Variants in DSTYK observed in about 807,000 individuals in gnomAD.
The protein encoded by DSTYK is RIP-homologous kinase.
In DSTYK, 34 loss-of-function variants were observed where a neutral mutation model predicts 98.7. That is an observed-to-expected ratio of 0.34 (90% CI 0.26 to 0.46). The LOEUF (loss-of-function observed/expected upper bound fraction) is 0.46, where lower values mean the gene tolerates loss of function less well. Ranked by LOEUF, DSTYK falls within the 20% of genes least tolerant of loss-of-function variation. The probability of loss-of-function intolerance (pLI) is 1.00; values close to 1 mark genes in which losing one functional copy is unlikely to be tolerated. For synonymous variants in DSTYK, 462 were observed against 457.3 expected, an observed-to-expected ratio of 1.01 and a Z score of -0.13; for missense variants, 962 against 1,181.7, an observed-to-expected ratio of 0.81 and a Z score of 2.73.
chr1:205,193,012 T>G (rs1352251366), intron 1 of DSTYK, among the ~76,000 whole-genome samples: 1 of 152,206 alleles, frequency 6.6e-6, no homozygotes, highest in Non-Finnish European at 1.5e-5. Context: ...GACCTCAATG[T>G]AAAGCAGACT....
chr1:205,185,739 A>C (rs1314263376), intron 2 of DSTYK, among the ~76,000 whole-genome samples: 1 of 152,210 alleles, frequency 6.6e-6, no homozygotes, highest in African/African-American at 2.4e-5. Context: ...AATATAAAAA[A>C]GTAGCCAGGC....
rs145699659 is a variant in DSTYK at position 205,184,661 on chromosome 1, C to T, written c.654+2757G>A. Among the ~76,000 whole-genome samples the T allele has an allele frequency of 1.7e-3, 251 of 152,118 alleles. 2 individuals carry two copies. The highest frequency in any genetic ancestry group is 5.6e-3 in the African/African-American group (233 of 41,494). The stretch of plus-strand genomic sequence containing the variant: ...TTGAGACAGGGTCTCATTCTATTGC[C>T]CAAGTGTTGTACAGTGCTACGATCA... On this transcript the variant is annotated intron_variant, in intron 2 of 12. Coordinates refer to ENST00000367162, the MANE Select transcript of DSTYK (RefSeq NM_015375.3).
At chr1:205,207,755 C>CAAAAAAAAAAAAAAAA (rs766036213) in intron 1 of DSTYK, among the ~76,000 whole-genome samples, 3 of 52,728 alleles carry the variant, frequency 5.7e-5, no homozygotes, top group African/African-American at 1.0e-4. Flanking sequence ...GACTCTGTCT[C>CAAAAAAAAAAAAAAAA]AAAAAAAAAA....
intron 1 of DSTYK, chr1:205,202,102 A>C (rs1489967486): frequency 3.7e-5 from 12 of 325,482 alleles, no homozygotes; most frequent in Non-Finnish European, 6.9e-5. Flanking sequence ...GGGAAGGGAG[A>C]GGGGGAAGGG....
intron 2 of DSTYK, among the ~76,000 whole-genome samples, chr1:205,182,854 A>C (rs1658455698): frequency 6.6e-6 from 1 of 151,924 alleles, no homozygotes; most frequent in Non-Finnish European, 1.5e-5. Flanking sequence ...AGATAACACC[A>C]TGAGCCAAAA....
In DSTYK at chr1:205,211,307, G is replaced by A. The variant is rs1659368729; in HGVS notation, c.229C>T (p.Pro77Ser). The change falls in exon 1 of 13, where the codon CCT becomes TCT. Residue 77 changes from proline (P) to serine (S), a missense_variant. Transcript: ENST00000367162. ...LTGGGGAERG[P>S]AGDVAETGLQ... ...CCGGTTTCGGCGACATCGCCTGCAG[G>A]GCCGCGCTCGGCCCCGCCGCCGCCC... The A allele has an allele frequency of 6.2e-7, 1 of 1,609,084 alleles. No homozygotes were observed.
rs1373966155 is a variant in DSTYK, at chr1:205,146,504, C to G, written c.*1054G>C. The G allele has an allele frequency of 6.6e-6, 1 of 151,812 alleles. No individual in the cohort carries two copies. Among genetic ancestry groups the G allele is most frequent in the Non-Finnish European group, 1.5e-5 (1 of 67,978 alleles). 9.4% of individuals were successfully genotyped at this position (151,812 alleles called of 1,614,324 possible). ...AATCCAATAACTCCTGTGTGTATGT[C>G]TATATAGATAGAGATATAGACACAC... On this transcript the variant is annotated 3_prime_UTR_variant, in exon 13 of 13. Coordinates refer to ENST00000367162, the MANE Select transcript of DSTYK (RefSeq NM_015375.3).
intron 2 of DSTYK, chr1:205,173,452 A>G (rs1658131627): frequency 2.0e-5 from 3 of 151,824 alleles, no homozygotes; most frequent in African/African-American, 7.2e-5. Flanking sequence ...AAAGAATTAT[A>G]GGTGGAAATA....
intron 4 of DSTYK, 58 bp from the exon 5 acceptor site, chr1:205,163,064 G>T: frequency 7.2e-7 from 1 of 1,391,866 alleles, no homozygotes; most frequent in South Asian, 1.2e-5. Flanking sequence ...TTTTAAAAAT[G>T]CAATAAATGA....
intron 1 of DSTYK, among the ~76,000 whole-genome samples, chr1:205,199,474 C>G (rs1249225539): frequency 6.6e-6 from 1 of 152,146 alleles, no homozygotes; most frequent in Non-Finnish European, 1.5e-5. Flanking sequence ...TAGCTCAAAG[C>G]AAGGAGACAC....
chr1:205,188,632 G>A (rs1446598692), intron 1 of DSTYK, among the ~76,000 whole-genome samples: 4 of 152,060 alleles, frequency 2.6e-5, no homozygotes. Flanking sequence ...TACCATATGC[G>A]GTTTTAGCTT....
chr1:205,183,875 G>A (rs1000912625), intron 2 of DSTYK, among the ~76,000 whole-genome samples: 3 of 151,994 alleles, frequency 2.0e-5, no homozygotes, highest in Non-Finnish European at 2.9e-5. Context: ...AACATCAAAG[G>A]GTTCTAAACT....
At chr1:205,196,015 A>G (rs1658855114) in intron 1 of DSTYK, among the ~76,000 whole-genome samples, 1 of 152,214 alleles carries the variant, frequency 6.6e-6, no homozygotes, top group African/African-American at 2.4e-5. Flanking sequence ...CGCAGTGTAT[A>G]ACAGTTTATA....
chr1:205,157,178 C>T lies in DSTYK; in HGVS notation c.2352+95G>A, dbSNP rs1657587313. 6 of 1,046,536 alleles carry T rather than the reference C, an allele frequency of 5.7e-6. No homozygotes were observed. In the South Asian group the frequency reaches 7.1e-5, roughly 12 times the overall value. 64.8% of individuals were successfully genotyped at this position (1,046,536 alleles called of 1,614,324 possible). Reference sequence around the variant, plus strand: ...TGGACTAATACACTTTCTGTGAGGACTTTTCTTAGGATCTAACTTACATTT... The same window carrying T: ...TGGACTAATACACTTTCTGTGAGGATTTTTCTTAGGATCTAACTTACATTT... On this transcript the variant is annotated intron_variant, in intron 10 of 12. Coordinates refer to ENST00000367162, the MANE Select transcript of DSTYK (RefSeq NM_015375.3).
intron 1 of DSTYK, among the ~76,000 whole-genome samples, chr1:205,199,852 C>T (rs1329775165): frequency 2.0e-5 from 3 of 152,146 alleles, no homozygotes; most frequent in Non-Finnish European, 4.4e-5. Flanking sequence ...ACCCATAGCT[C>T]GTAGTTTTCC....
chr1:205,162,853 A>G lies in DSTYK; in HGVS notation c.1641+70T>C, dbSNP rs1177167791. 2.8e-5 allele frequency: 33 copies of G among 1,161,540 alleles called. 1 individual carries two copies. The South Asian group carries it at 3.1e-4, about 11-fold the overall frequency. 72.0% of individuals were successfully genotyped at this position (1,161,540 alleles called of 1,614,324 possible). A position where few individuals can be genotyped will look rare whatever the true frequency, so the allele number is the denominator to read the frequency against. On this transcript the variant is annotated intron_variant, in intron 5 of 12. Transcript: ENST00000367162. Reference sequence around the variant, plus strand: ...AGAAGATCCTAGATATCTGTTTCCTACTGGGGTCACTATGATTCATTTGAG... The same window carrying G: ...AGAAGATCCTAGATATCTGTTTCCTGCTGGGGTCACTATGATTCATTTGAG...
intron 1 of DSTYK, among the ~76,000 whole-genome samples, chr1:205,188,504 T>C (rs1212137755): frequency 6.6e-6 from 1 of 152,190 alleles, no homozygotes; most frequent in African/African-American, 2.4e-5. Flanking sequence ...TGGTAAGTAT[T>C]TGTGTATCTA....
intron 1 of DSTYK, among the ~76,000 whole-genome samples, chr1:205,193,376 T>A (rs565284358): frequency 6.6e-6 from 1 of 152,196 alleles, no homozygotes; most frequent in African/African-American, 2.4e-5. Flanking sequence ...TTCTTGCCTA[T>A]TTTCCATCCC....
intron 10 of DSTYK, among the ~76,000 whole-genome samples, chr1:205,156,974 C>T (rs1209149701): frequency 6.6e-6 from 1 of 152,120 alleles, no homozygotes; most frequent in Non-Finnish European, 1.5e-5. Flanking sequence ...GGCTTTACCC[C>T]CTTTTGTTCA....
Sources: allele counts gnomAD v4.1 joint callset (sites outside exome capture counted in the v4.1 genomes callset), GRCh38; gene constraint gnomAD v4.1.1; transcripts MANE v1.5; gene names NCBI Gene and HGNC (gene_info 2026-07-23, HGNC 2026-07-21).